The following NOXA1 variants were observed in gnomAD, a reference collection of about 807,000 sequenced individuals.
NOXA1 encodes NADPH oxidase activator 1.
A neutral mutation model predicts 64.8 loss-of-function variants in NOXA1; 56 were observed. The ratio of observed to expected loss-of-function variants is 0.86; its 90% confidence interval spans 0.70 to 1.08. The LOEUF (loss-of-function observed/expected upper bound fraction) is 1.08, where lower values mean the gene tolerates loss of function less well. Among genes scored for constraint, NOXA1 ranks in the 50% least tolerant of loss-of-function variants. The pLI is 0.00. For synonymous variants in NOXA1, 295 were observed against 294.8 expected (o/e 1.00, Z -0.01); for missense variants, 668 against 658.5 (o/e 1.01, Z -0.16).
chr9:137,432,997 C>T (rs984534623), intron 8 of NOXA1, 32 bp from the exon 9 acceptor site: 1 of 1,611,404 alleles, frequency 6.2e-7, no homozygotes, highest in Admixed American at 1.7e-5. Flanking sequence ...ACCTGACCGC[C>T]CCAGCCCACC....
Position 137,431,030 on chromosome 9 carries a change from C to G in NOXA1, c.673-45C>G. ...CAAGGTTCAGGAGGAGGGAGGGCGGCCCCCGACCCTTAACCAGAGCGAGGT... is the reference window on the plus strand; with the variant it reads ...CAAGGTTCAGGAGGAGGGAGGGCGGGCCCCGACCCTTAACCAGAGCGAGGT... On this transcript the variant is annotated intron_variant, in intron 6 of 13. Transcript: ENST00000683555. The surrounding 1 kb of genome is among the most constrained non-coding windows in gnomAD (Gnocchi z 5.6). 6.2e-7 allele frequency: 1 copy of G among 1,612,616 alleles called. No individual in the cohort carries two copies. The highest frequency in any genetic ancestry group is 8.5e-7 in the Non-Finnish European group (1 of 1,179,688).
At chr9:137,427,605 C>G (rs1838892992) in intron 2 of NOXA1, among the ~76,000 whole-genome samples, 1 of 152,250 alleles carries the variant, frequency 6.6e-6, no homozygotes, top group Non-Finnish European at 1.5e-5. Flanking sequence ...CGCGGGAAGC[C>G]CGCCTGGAGG....
rs35916187 is a variant in NOXA1, at chr9:137,432,279, C to CAA, written c.805-732_805-731dup. ...TGGGCAAGACAGCAAGACCCTGTCT[C>CAA]AAAAAAAAAAAAAAAAAAAGCCAGG... On this transcript the variant is annotated intron_variant, in intron 8 of 13. Transcript: ENST00000683555. Among the ~76,000 whole-genome samples the CAA allele has an allele frequency of 6.0e-3, 615 of 102,184 alleles. 9 individuals are homozygous for CAA. Among genetic ancestry groups the CAA allele is most frequent in the African/African-American group, 0.022 (583 of 26,822 alleles). 67.0% of individuals were successfully genotyped at this position (102,184 alleles called of 152,430 possible). A position where few individuals can be genotyped will look rare whatever the true frequency, so the allele number is the denominator to read the frequency against.
chr9:137,430,667 C>T lies in NOXA1; in HGVS notation c.613-117C>T. On this transcript the variant is annotated intron_variant, in intron 5 of 13. Transcript: ENST00000683555. ...CTGGCAGACGTGGGCCGGGCATGGG[C>T]AGCTGTCACCCAGCCCCCGGGGACT... The T allele has an allele frequency of 2.6e-6, 2 of 783,436 alleles. 1 individual carries two copies. Among genetic ancestry groups the T allele is most frequent in the Non-Finnish European group, 3.9e-6 (2 of 518,950 alleles). The allele number at this position is 783,436 out of a possible 1,614,324, so 48.5% of individuals were successfully genotyped here.
At chr9:137,427,957 G>A (rs951233610) in intron 2 of NOXA1, 76 bp from the exon 3 acceptor site, 14 of 1,013,204 alleles carry the variant, frequency 1.4e-5, no homozygotes, top group South Asian at 2.8e-5. Context: ...CGGCTCGAGC[G>A]GGGCTGGTGT....
At chr9:137,425,634 C>T (rs886437121) in intron 1 of NOXA1, among the ~76,000 whole-genome samples, 1 of 152,214 alleles carries the variant, frequency 6.6e-6, no homozygotes, top group South Asian at 2.1e-4. Flanking sequence ...GATCCGCCCA[C>T]CTCAGCTTCC....
rs563909648 is a variant in NOXA1 at position 137,429,142 on chromosome 9, G to A, written c.504+126G>A. On this transcript the variant is annotated intron_variant, in intron 4 of 13. Coordinates refer to ENST00000683555, the MANE Select transcript of NOXA1 (RefSeq NM_001256067.2). ...TAGTGCCCAGTTTCGGGTGCCAGGCGGGGGCTTCCTGTGACCTGCGGGAAG... is the reference window on the plus strand; with the variant it reads ...TAGTGCCCAGTTTCGGGTGCCAGGCAGGGGCTTCCTGTGACCTGCGGGAAG... The A allele has an allele frequency of 5.0e-5, 69 of 1,378,612 alleles. No homozygotes were observed. In the East Asian group the frequency reaches 1.4e-3, roughly 27 times the overall value. 85.4% of individuals were successfully genotyped at this position (1,378,612 alleles called of 1,614,324 possible). A position where few individuals can be genotyped will look rare whatever the true frequency, so the allele number is the denominator to read the frequency against.
chr9:137,427,180 A>AACAT (rs1349499254), intron 2 of NOXA1, among the ~76,000 whole-genome samples: 2 of 152,370 alleles, frequency 1.3e-5, no homozygotes, highest in East Asian at 3.9e-4. Flanking sequence ...AGACAAAAAT[A>AACAT]ACATACATAT....
chr9:137,424,065 G>A (rs1271062157), intron 1 of NOXA1, among the ~76,000 whole-genome samples: 1 of 152,168 alleles, frequency 6.6e-6, no homozygotes, highest in African/African-American at 2.4e-5. Context: ...CCCTCCCCCA[G>A]CCCACTCCCC....
intron 5 of NOXA1, among the ~76,000 whole-genome samples, chr9:137,430,063 C>T (rs1001674453): frequency 1.0e-4 from 4 of 39,804 alleles, no homozygotes; most frequent in Middle Eastern, 0.021. Flanking sequence ...TCCCGGGGGG[C>T]GGGGGTGCCT....
At chr9:137,427,048 C>T (rs562321209) in intron 2 of NOXA1, among the ~76,000 whole-genome samples, 8 of 152,322 alleles carry the variant, frequency 5.3e-5, no homozygotes, top group Middle Eastern at 3.4e-3. Context: ...CCACCCGCCT[C>T]GGCCTCCCAA....
chr9:137,428,935 G>A lies in NOXA1; in HGVS notation c.423G>A (p.Ala141=), dbSNP rs202214004. Residue 141 remains alanine, a synonymous_variant, in exon 4 of 14, where the codon GCG becomes GCA. Coordinates refer to ENST00000683555, the MANE Select transcript of NOXA1 (RefSeq NM_001256067.2). The part of the protein sequence containing the change: ...AQCQLGLWTE[A]ASSLREAMSK... ...GCCAGCTGGGGCTCTGGACAGAGGC[G>A]GCCAGCAGCCTAAGGGAGGCCATGT... is the stretch of plus-strand genomic sequence containing the variant. The A allele has an allele frequency of 1.6e-5, 25 of 1,596,900 alleles. No individual in the cohort carries two copies. Among genetic ancestry groups the A allele is most frequent in the African/African-American group, 4.0e-5 (3 of 74,656 alleles).
rs1839113874 is a variant in NOXA1, at chr9:137,431,612, G to A, written c.804+271G>A. ...AGCCCTGCAGGCCCTCAGCCCCCAG[G>A]ACCACCTCAGTTTGGCCATTGCCCC... is the stretch of plus-strand genomic sequence containing the variant. On this transcript the variant is annotated intron_variant, in intron 8 of 13. Transcript: ENST00000683555. This position sits in a 1 kb window ranked among gnomAD's most constrained non-coding sequence, Gnocchi z 5.6. 6.6e-6 allele frequency among the ~76,000 whole-genome samples: 1 copy of A among 152,176 alleles called. No individual in the cohort carries two copies. Among genetic ancestry groups the A allele is most frequent in the East Asian group, 1.9e-4 (1 of 5,182 alleles).
At chr9:137,428,387 T>C (rs2131879620) in intron 3 of NOXA1, among the ~76,000 whole-genome samples, 1 of 152,092 alleles carries the variant, frequency 6.6e-6, no homozygotes, top group African/African-American at 2.4e-5. Flanking sequence ...GAAAGGCTGC[T>C]GGGTGGGCAG....
At position 137,428,100 on chromosome 9, in the gene NOXA1, T is replaced by G. The variant is rs1420453614; in HGVS notation, c.328T>G (p.Tyr110Asp). Residue 110 changes from tyrosine (Y) to aspartate (D), a missense_variant, in exon 3 of 14, where the codon TAC (tyrosine) becomes GAC (aspartate). Physicochemically the swap from Tyr to Asp is radical, Grantham distance 160 (BLOSUM62 -3). Coordinates refer to ENST00000683555, the MANE Select transcript of NOXA1 (RefSeq NM_001256067.2). Reference protein sequence around the residue: ...EQLRGHAAIDYTQLGLRFKLQ... With the variant: ...EQLRGHAAIDDTQLGLRFKLQ... ...GCTGAGGGGCCACGCTGCCATCGACTACACGCAGCTGGGCCTGCGGTTCAA... is the reference window on the plus strand; with the variant it reads ...GCTGAGGGGCCACGCTGCCATCGACGACACGCAGCTGGGCCTGCGGTTCAA... 1.3e-6 allele frequency: 2 copies of G among 1,583,646 alleles called. No homozygotes were observed. The highest frequency in any genetic ancestry group is 8.6e-7 in the Non-Finnish European group (1 of 1,166,408).
intron 1 of NOXA1, among the ~76,000 whole-genome samples, chr9:137,424,717 T>C (rs7872948): frequency 0.018 from 2,696 of 152,294 alleles, 84 homozygotes; most frequent in African/African-American, 0.062. Context: ...GGATTACACA[T>C]GTGAGCCACC....
At chr9:137,428,493 G>GC (rs546073547) in intron 3 of NOXA1, among the ~76,000 whole-genome samples, 15 of 151,622 alleles carry the variant, frequency 9.9e-5, no homozygotes, top group South Asian at 6.3e-4. Flanking sequence ...GTGCTGAGAG[G>GC]CCCCCCCACC....
intron 1 of NOXA1, among the ~76,000 whole-genome samples, chr9:137,424,833 C>G (rs958858005): frequency 6.6e-6 from 1 of 152,180 alleles, no homozygotes; most frequent in Admixed American, 6.5e-5. Flanking sequence ...GGGGCTAACC[C>G]AGTCACTTGT....
In NOXA1 at chr9:137,431,213, G is replaced by C. The variant is rs779986824; in HGVS notation, c.699-23G>C. Reference sequence around the variant, plus strand: ...GAGGGCAGTCAGATGGGCAGGGCCTGAGAGCCTCCCTCCTCTCCCTAGGTC... The same window carrying C: ...GAGGGCAGTCAGATGGGCAGGGCCTCAGAGCCTCCCTCCTCTCCCTAGGTC... On this transcript the variant is annotated intron_variant, in intron 7 of 13. Transcript: ENST00000683555. The surrounding 1 kb of genome is among the most constrained non-coding windows in gnomAD (Gnocchi z 5.6). The C allele has an allele frequency of 9.9e-6, 16 of 1,609,516 alleles. No individual in the cohort carries two copies. Among genetic ancestry groups the C allele is most frequent in the Non-Finnish European group, 1.3e-5 (15 of 1,177,392 alleles).
Sources: gnomAD v4.1 joint callset for allele counts (sites outside exome capture counted in the v4.1 genomes callset) on GRCh38, gnomAD v4.1.1 for gene constraint, Gnocchi (gnomAD v3.1) non-coding constraint, MANE v1.5 for transcripts, NCBI Gene and HGNC (gene_info 2026-07-23, HGNC 2026-07-21) for gene names.